Variants in CHODL observed in about 807,000 individuals in gnomAD.
CHODL encodes chondrolectin.
CHODL carries 29 observed loss-of-function variants against 34.5 expected under a neutral mutation model. The observed-to-expected ratio is 0.84, with a 90% CI of 0.63 to 1.15. CHODL has a LOEUF of 1.15. CHODL is among the 50% of genes most tolerant of loss of function. CHODL has a pLI of 0.00. For missense variants in CHODL, 332 were observed against 332.5 expected, an observed-to-expected ratio of 1.00 and a Z score of 0.01; for synonymous variants, 125 against 116.1, an observed-to-expected ratio of 1.08 and a Z score of -0.49.
At chr21:18,136,788 A>G (rs2072738998) in intron 2 of CHODL, among the ~76,000 whole-genome samples, 1 of 147,778 alleles carries the variant, frequency 6.8e-6, no homozygotes. Context: ...ATGCTCACAT[A>G]TATGATATAC....
chr21:17,972,535 A>C (rs912340685), intron 1 of CHODL, among the ~76,000 whole-genome samples: 3 of 152,216 alleles, frequency 2.0e-5, no homozygotes, highest in African/African-American at 7.2e-5. Context: ...GTGAACTCCC[A>C]TTCACAATTG....
At chr21:18,158,707 A>G (rs934235729) in intron 2 of CHODL, among the ~76,000 whole-genome samples, 18 of 152,082 alleles carry the variant, frequency 1.2e-4, no homozygotes, top group Non-Finnish European at 2.4e-4. Context: ...GTGTGGTGGC[A>G]GGTGCCTGTA....
chr21:18,245,962 GGCACACAGTAGGT>G, intron 1 of CHODL: 3 of 1,533,406 alleles, frequency 2.0e-6, no homozygotes, highest in Non-Finnish European at 2.6e-6. Flanking sequence ...CTGCAGGTTC[GGCACACAGTAGGT>G]GCACAATTAA....
chr21:17,973,630 C>T (rs1328274572), intron 1 of CHODL, among the ~76,000 whole-genome samples: 26 of 151,228 alleles, frequency 1.7e-4, no homozygotes, highest in Non-Finnish European at 5.9e-5. Context: ...CCGTGTTAGC[C>T]GGGATGGTCT....
chr21:17,961,414 C>G (rs1600835520), intron 1 of CHODL, among the ~76,000 whole-genome samples: 3 of 152,364 alleles, frequency 2.0e-5, no homozygotes. Context: ...ACATCTTGCA[C>G]TGCTGCTTTC....
chr21:18,136,734 A>G (rs2638085), intron 2 of CHODL, among the ~76,000 whole-genome samples: 1 of 125,332 alleles, frequency 8.0e-6, no homozygotes, highest in Non-Finnish European at 1.5e-5. Context: ...ATATATATAT[A>G]TATATATATA....
At chr21:18,260,388 G>A (rs934730305) in intron 4 of CHODL, 102 bp downstream of exon 4, 7 of 699,202 alleles carry the variant, frequency 1.0e-5, no homozygotes, top group Non-Finnish European at 1.7e-5. Flanking sequence ...TGGGGAAGTG[G>A]TTCACTAAGT....
intron 2 of CHODL, among the ~76,000 whole-genome samples, chr21:18,101,220 C>T (rs956548547): frequency 2.6e-5 from 4 of 152,086 alleles, no homozygotes; most frequent in African/African-American, 7.2e-5. Flanking sequence ...TGCTGTCTTC[C>T]GTGTAAGACG....
intron 2 of CHODL, among the ~76,000 whole-genome samples, chr21:18,177,678 G>C (rs1173909499): frequency 6.6e-6 from 1 of 151,902 alleles, no homozygotes; most frequent in African/African-American, 2.4e-5. Flanking sequence ...CAATGAGTTA[G>C]GTTTCTTTAG....
At chr21:18,207,167 G>A (rs1221692304) in intron 2 of CHODL, among the ~76,000 whole-genome samples, 1 of 152,080 alleles carries the variant, frequency 6.6e-6, no homozygotes, top group Non-Finnish European at 1.5e-5. Flanking sequence ...ACTTTGCTGA[G>A]AATGATGGTT....
At chr21:17,922,266 A>C (rs1208936559) in intron 1 of CHODL, among the ~76,000 whole-genome samples, 2 of 152,096 alleles carry the variant, frequency 1.3e-5, no homozygotes, top group African/African-American at 4.8e-5. Context: ...TTGTGGGGGA[A>C]ATTTATCTGT....
intron 1 of CHODL, among the ~76,000 whole-genome samples, chr21:18,251,725 ATATT>A (rs796521304): frequency 2.6e-5 from 3 of 114,766 alleles, no homozygotes; most frequent in African/African-American, 1.2e-4. Context: ...TATAAAATAA[ATATT>A]TATTTTATTT....
intron 1 of CHODL, chr21:18,246,094 T>C (rs2074138505): frequency 1.4e-6 from 1 of 694,154 alleles, no homozygotes; most frequent in South Asian, 1.6e-5. Flanking sequence ...GCGATTTATA[T>C]TGCAATTACT....
intron 2 of CHODL, among the ~76,000 whole-genome samples, chr21:18,068,277 A>G (rs1430409548): frequency 2.0e-5 from 3 of 149,792 alleles, no homozygotes; most frequent in Non-Finnish European, 4.5e-5. Context: ...GCTCACTGCA[A>G]CCTCCACCTC....
chr21:18,113,721 T>G (rs971177661), intron 2 of CHODL, among the ~76,000 whole-genome samples: 10 of 152,126 alleles, frequency 6.6e-5, no homozygotes, highest in African/African-American at 2.4e-4. Context: ...GAATTATAAT[T>G]AAACACGAGA....
chr21:17,967,732 C>T (rs1186801235), intron 1 of CHODL, among the ~76,000 whole-genome samples: 3 of 149,850 alleles, frequency 2.0e-5, no homozygotes, highest in Non-Finnish European at 3.0e-5. Context: ...ACATACTTTC[C>T]GTAACTAGGG....
intron 2 of CHODL, among the ~76,000 whole-genome samples, chr21:18,170,880 T>C (rs984693453): frequency 6.6e-6 from 1 of 152,118 alleles, no homozygotes; most frequent in Non-Finnish European, 1.5e-5. Context: ...TTTCTTCATT[T>C]GGATTTGAGT....
intron 1 of CHODL, among the ~76,000 whole-genome samples, chr21:17,971,532 C>T (rs2063614653): frequency 1.3e-5 from 2 of 152,132 alleles, no homozygotes; most frequent in African/African-American, 4.8e-5. Context: ...TACATGTCTT[C>T]TTTTGAGAAG....
rs1235391965 is a variant in CHODL at position 17,956,739 on chromosome 21, A to G, written c.-145+39339A>G. Reference sequence around the variant, plus strand: ...CAGAAAATTATCTGGAGTTTTTTCTATGAGTGCACTAATCCCATTCATGAG... The same window carrying G: ...CAGAAAATTATCTGGAGTTTTTTCTGTGAGTGCACTAATCCCATTCATGAG... On this transcript the variant is annotated intron_variant, in intron 1 of 6. Transcript: ENST00000400127. Among the ~76,000 whole-genome samples, 2 of 136,122 alleles carry G rather than the reference A, an allele frequency of 1.5e-5. 1 individual carries two copies. The highest frequency in any genetic ancestry group is 5.0e-5 in the African/African-American group (2 of 39,806). 89.3% of individuals were successfully genotyped at this position (136,122 alleles called of 152,430 possible).
Sources: gnomAD v4.1 joint callset for allele counts (sites outside exome capture counted in the v4.1 genomes callset) on GRCh38, gnomAD v4.1.1 for gene constraint, MANE v1.5 for transcripts, NCBI Gene and HGNC (gene_info 2026-07-23, HGNC 2026-07-21) for gene names.